The following KNG1 variants were observed in gnomAD, a reference collection of about 807,000 sequenced individuals.
KNG1 encodes kininogen-1.
In KNG1, 23 loss-of-function variants were observed where a neutral mutation model predicts 47.8. The observed-to-expected ratio is 0.48, with a 90% CI of 0.35 to 0.68. The LOEUF is 0.68. Among genes scored for constraint, KNG1 ranks in the 30% least tolerant of loss-of-function variants. The pLI is 0.01. For missense variants in KNG1, 762 were observed against 790.2 expected, an observed-to-expected ratio of 0.96 and a Z score of 0.43; for synonymous variants, 277 against 277.0, an observed-to-expected ratio of 1.00 and a Z score of 0.00.
chr3:186,732,364 A>T, intron 6 of KNG1, 138 bp from the exon 7 acceptor site: 4 of 752,460 alleles, frequency 5.3e-6, no homozygotes, highest in Non-Finnish European at 9.5e-6. Context: ...TCAGACAGAC[A>T]ACCTTCCCCC....
At chr3:186,720,246 G>A (rs1195061540) in intron 2 of KNG1, 31 bp downstream of exon 2, 7 of 1,420,466 alleles carry the variant, frequency 4.9e-6, no homozygotes, top group Non-Finnish European at 7.0e-6. Flanking sequence ...TGGGCCTTCT[G>A]TTTTCTCCGT....
At chr3:186,733,011 G>T (rs1720578075) in intron 7 of KNG1, among the ~76,000 whole-genome samples, 1 of 152,142 alleles carries the variant, frequency 6.6e-6, no homozygotes, top group Non-Finnish European at 1.5e-5. Context: ...ACTTTGGGAG[G>T]CCAAGGCGGG....
intron 1 of KNG1, 144 bp from the exon 2 acceptor site, chr3:186,719,961 T>G (rs370102605): frequency 7.1e-6 from 5 of 699,440 alleles, no homozygotes; most frequent in East Asian, 5.4e-5. Flanking sequence ...ACATAAATGT[T>G]TATGATAGAA....
At chr3:186,741,415 C>A in intron 9 of KNG1, 107 bp from the exon 10 acceptor site, 2 of 974,928 alleles carry the variant, frequency 2.1e-6, no homozygotes, top group Non-Finnish European at 1.5e-6. Flanking sequence ...TGGCAAACAC[C>A]TCCCCCATTG....
intron 5 of KNG1, chr3:186,728,886 C>T (rs1326580347): frequency 1.3e-5 from 2 of 152,234 alleles, no homozygotes; most frequent in Non-Finnish European, 2.9e-5. Flanking sequence ...TTCTTGATCT[C>T]AGGTGATCCA....
At chr3:186,723,412 C>G (rs1378161418) in intron 3 of KNG1, among the ~76,000 whole-genome samples, 1 of 152,086 alleles carries the variant, frequency 6.6e-6, no homozygotes, top group African/African-American at 2.4e-5. Flanking sequence ...TCTTCATTTC[C>G]CCCTTCTACC....
Position 186,741,752 on chromosome 3 carries a change from G to A in KNG1, c.1356G>A (p.Gly452=), listed in dbSNP as rs752898207. 1.9e-6 allele frequency: 3 copies of A among 1,614,210 alleles called. No homozygotes were observed. Among genetic ancestry groups the A allele is most frequent in the Non-Finnish European group, 2.5e-6 (3 of 1,180,038 alleles). The change falls in exon 10 of 10, where the codon GGG becomes GGA. Residue 452 remains glycine, a synonymous_variant. Coordinates refer to ENST00000644859, the MANE Select transcript of KNG1 (RefSeq NM_001102416.3). ...GHGHKHERDQ[G]HGHQRGHGLG... The stretch of plus-strand genomic sequence containing the variant: ...GCCATAAACATGAACGTGACCAAGG[G>A]CATGGGCACCAAAGAGGACATGGCC...
Position 186,717,673 on chromosome 3 carries a change from A to G in KNG1, c.131A>G (p.Tyr44Cys), listed in dbSNP as rs766858471. ...GCTGTGGATGCTGCTCTGAAGAAAT[A>G]TAACAGTCAAAACCAAAGTAACAAC... The part of the protein sequence containing the change: ...FKAVDAALKK[Y>C]NSQNQSNNQF... Residue 44 changes from tyrosine to cysteine, a missense_variant, in exon 1 of 10, where the codon TAT becomes TGT. Physicochemically the swap from Tyr to Cys is radical, Grantham distance 194. Transcript: ENST00000644859. The G allele has an allele frequency of 1.5e-5, 24 of 1,613,042 alleles. No individual in the cohort carries two copies. The highest frequency in any genetic ancestry group is 1.6e-4 in the Middle Eastern group (1 of 6,084).
At chr3:186,725,818 G>T (rs1720350772) in intron 4 of KNG1, among the ~76,000 whole-genome samples, 1 of 150,868 alleles carries the variant, frequency 6.6e-6, no homozygotes. Flanking sequence ...TTATCACCTA[G>T]CCATCATGAC....
intron 3 of KNG1, among the ~76,000 whole-genome samples, chr3:186,724,854 A>T (rs570797316): frequency 1.6e-4 from 24 of 151,858 alleles, no homozygotes; most frequent in African/African-American, 5.3e-4. Flanking sequence ...ACATTCAGCT[A>T]ATTTTTGTAT....
At position 186,732,557 on chromosome 3, in the gene KNG1, A is replaced by G. The variant is rs1344472888; in HGVS notation, c.813A>G (p.Ile271Met). 3 of 1,613,984 alleles carry G rather than the reference A, an allele frequency of 1.9e-6. No homozygotes were observed. Among genetic ancestry groups the G allele is most frequent in the Non-Finnish European group, 2.5e-6 (3 of 1,179,980 alleles). ...TTTGCGTGGGCTGCCCCAGAGATAT[A>G]CCCACCAACAGCCCAGAGCTGGAGG... is the stretch of plus-strand genomic sequence containing the variant. ...TKICVGCPRDIPTNSPELEET... is the reference protein window; with the variant it reads ...TKICVGCPRDMPTNSPELEET... Residue 271 changes from isoleucine to methionine, a missense_variant, in exon 7 of 10, where the codon ATA becomes ATG. Coordinates refer to ENST00000644859, the MANE Select transcript of KNG1 (RefSeq NM_001102416.3).
At chr3:186,735,361 T>G (rs552673196) in intron 7 of KNG1, among the ~76,000 whole-genome samples, 1 of 152,210 alleles carries the variant, frequency 6.6e-6, no homozygotes, top group South Asian at 2.1e-4. Flanking sequence ...CTCATGCCTG[T>G]AATCCCAGCA....
intron 5 of KNG1, among the ~76,000 whole-genome samples, chr3:186,729,678 C>CTTT (rs33934143): frequency 0.23 from 34,209 of 148,642 alleles, 4,100 homozygotes; most frequent in South Asian, 0.35. Context: ...GTAGGCTTTT[C>CTTT]TTTTTTTTTT....
chr3:186,720,938 C>T (rs1346865264), intron 2 of KNG1, among the ~76,000 whole-genome samples: 7 of 151,818 alleles, frequency 4.6e-5, no homozygotes, highest in Admixed American at 2.6e-4. Flanking sequence ...TACAGGCACC[C>T]ACCACCACGC....
Position 186,717,557 on chromosome 3 carries a change from CA to C in KNG1, c.16del (p.Ile6SerfsTer10). The C allele has an allele frequency of 2.5e-6, 4 of 1,610,946 alleles. No individual in the cohort carries two copies. The highest frequency in any genetic ancestry group is 2.5e-6 in the Non-Finnish European group (3 of 1,177,994). On this transcript the variant is annotated frameshift_variant, in exon 1 of 10. Transcript: ENST00000644859. LOFTEE classifies it high-confidence loss of function. ...ATTGTTAGATCATGAAACTAATTAC[CA>C]TCCTTTTCCTCTGCTCCAGGCTGCT... MKLITILFLCSRLLLS... is the reference protein window; with the variant it reads MKLITXLFLCSRLLLS...
In KNG1 at chr3:186,727,364, A is replaced by G; in HGVS notation, c.672+20A>G. The G allele has an allele frequency of 7.1e-7, 1 of 1,408,960 alleles. No homozygotes were observed. Among genetic ancestry groups the G allele is most frequent in the Non-Finnish European group, 1.0e-6 (1 of 993,412 alleles). The allele number at this position is 1,408,960 out of a possible 1,614,324, so 87.3% of individuals were successfully genotyped here. On this transcript the variant is annotated intron_variant, in intron 5 of 9. Transcript: ENST00000644859. ...AATGGTGTAAGTAGGCAAAAATTTAATGATAAAGTTCTTAGCATTTTGTTT... is the reference window on the plus strand; with the variant it reads ...AATGGTGTAAGTAGGCAAAAATTTAGTGATAAAGTTCTTAGCATTTTGTTT...
chr3:186,718,824 CA>C (rs1176932806), intron 1 of KNG1, among the ~76,000 whole-genome samples: 1 of 152,162 alleles, frequency 6.6e-6, no homozygotes, highest in Admixed American at 6.5e-5. Flanking sequence ...CTGGGTTTAA[CA>C]GCAACGTTTT....
Position 186,741,819 on chromosome 3 carries a change from C to T in KNG1, c.1423C>T (p.His475Tyr), listed in dbSNP as rs1447998543. 1.9e-6 allele frequency: 3 copies of T among 1,613,850 alleles called. No homozygotes were observed. In the South Asian group the frequency reaches 3.3e-5, roughly 18 times the overall value. ...HEQQHGLGHG[H>Y]KFKLDDDLEH... ...ACAACAGCATGGTCTTGGTCATGGA[C>T]ATAAGTTCAAACTTGATGATGATCT... The change falls in exon 10 of 10, where the codon CAT becomes TAT. Residue 475 changes from histidine (H) to tyrosine (Y), a missense_variant. Coordinates refer to ENST00000644859, the MANE Select transcript of KNG1 (RefSeq NM_001102416.3).
chr3:186,732,641 C>G lies in KNG1; in HGVS notation c.897C>G (p.Phe299Leu). 6.2e-7 allele frequency: 1 copy of G among 1,613,948 alleles called. No individual in the cohort carries two copies. The highest frequency in any genetic ancestry group is 8.5e-7 in the Non-Finnish European group (1 of 1,179,848). ...LNAENNATFY[F>L]KIDNVKKARV... The stretch of plus-strand genomic sequence containing the variant: ...CAGAGAATAACGCAACTTTCTATTT[C>G]AAGATTGACAATGTGAAAAAAGCAA... The change falls in exon 7 of 10, where the codon TTC becomes TTG. Residue 299 changes from phenylalanine (F) to leucine (L), a missense_variant. Physicochemically the swap from Phe to Leu is conservative, Grantham distance 22. Coordinates refer to ENST00000644859, the MANE Select transcript of KNG1 (RefSeq NM_001102416.3).
Sources: gnomAD v4.1 joint callset for allele counts (sites outside exome capture counted in the v4.1 genomes callset) on GRCh38, gnomAD v4.1.1 for gene constraint, MANE v1.5 for transcripts, NCBI Gene and HGNC (gene_info 2026-07-23, HGNC 2026-07-21) for gene names.